EHMT2: variants seen among roughly 807,000 people sequenced by gnomAD.
EHMT2 encodes histone-lysine N-methyltransferase EHMT2.
Under a neutral mutation model 143.3 loss-of-function variants are expected in EHMT2, and 59 were observed. The ratio of observed to expected loss-of-function variants is 0.41; its 90% CI spans 0.33 to 0.51. The LOEUF is 0.51. Among genes scored for constraint, EHMT2 ranks in the 20% least tolerant of loss-of-function variants. EHMT2 has a pLI of 0.18. For synonymous variants in EHMT2, 604 were observed against 651.5 expected, an observed-to-expected ratio of 0.93 and a Z score of 1.11; for missense variants, 1,174 against 1,645.9, an observed-to-expected ratio of 0.71 and a Z score of 4.96.
At chr6:31,885,182 A>G in intron 18 of EHMT2, 166 bp from the exon 19 acceptor site, 1 of 970,862 alleles carries the variant, frequency 1.0e-6, no homozygotes, top group Non-Finnish European at 1.5e-6. Context: ...TCATCTAAAA[A>G]ATGGGACTAG....
chr6:31,886,352 G>A (rs1442137486), intron 18 of EHMT2: 3 of 558,902 alleles, frequency 5.4e-6, no homozygotes, highest in Non-Finnish European at 9.4e-6. Flanking sequence ...AAGCCTCACT[G>A]GACACTTTCA....
At position 31,882,878 on chromosome 6, in the gene EHMT2, T is replaced by G; in HGVS notation, c.3110+16A>C. The stretch of plus-strand genomic sequence containing the variant: ...GGTGAGGTGGGGAGAGGGTGGGCTG[T>G]GGAGCAGGGCCTCACTTGATGCCAC... On this transcript the variant is annotated intron_variant, in intron 24 of 27. Transcript: ENST00000375537. 1 of 1,612,500 alleles carries G rather than the reference T, an allele frequency of 6.2e-7. No homozygotes were observed. The highest frequency in any genetic ancestry group is 8.5e-7 in the Non-Finnish European group (1 of 1,179,554).
intron 4 of EHMT2, chr6:31,895,769 G>C (rs1183728301): frequency 6.4e-6 from 1 of 155,824 alleles, no homozygotes; most frequent in African/African-American, 2.4e-5. Flanking sequence ...TGTTAAGTTT[G>C]CCTCAGTTTT....
chr6:31,886,228 G>A (rs1764828253), intron 18 of EHMT2: 3 of 256,846 alleles, frequency 1.2e-5, no homozygotes, highest in Admixed American at 9.7e-5. Flanking sequence ...CACAGCCACA[G>A]AGGCCTCTTA....
intron 4 of EHMT2, among the ~76,000 whole-genome samples, chr6:31,894,725 G>A (rs751355692): frequency 1.3e-5 from 2 of 152,072 alleles, no homozygotes; most frequent in African/African-American, 4.8e-5. Context: ...GCAGTGGCGC[G>A]ATCTTGGCTC....
At chr6:31,886,924 C>A in intron 16 of EHMT2, 27 bp from the exon 17 acceptor site, 1 of 1,614,002 alleles carries the variant, frequency 6.2e-7, no homozygotes, top group Non-Finnish European at 8.5e-7. Flanking sequence ...GGGCTGGCAC[C>A]AGGGAGGCAT....
chr6:31,882,085 A>C (rs1157881283), intron 25 of EHMT2, among the ~76,000 whole-genome samples: 1 of 151,764 alleles, frequency 6.6e-6, no homozygotes, highest in African/African-American at 2.4e-5. Flanking sequence ...AGCTTGGGCA[A>C]CAAGAGTGAA....
In EHMT2 at chr6:31,884,477, C is replaced by T. The variant is rs982329909; in HGVS notation, c.2686G>A (p.Asp896Asn). 9 of 1,612,934 alleles carry T rather than the reference C, an allele frequency of 5.6e-6. No homozygotes were observed. The highest frequency in any genetic ancestry group is 1.6e-4 in the Middle Eastern group (1 of 6,062). Residue 896 changes from aspartate (D) to asparagine (N), a missense_variant, in exon 21 of 28, where the codon GAC becomes AAC. By Grantham distance (23) the Asp-to-Asn change is conservative. Coordinates refer to ENST00000375537, the Ensembl canonical transcript of EHMT2. The surrounding 1 kb of genome is among the most constrained non-coding windows in gnomAD (Gnocchi z 7.3). ...TTGAGTTGAAGCGCAAACCACACGT[C>T]GGAGCGCTCGGGAGTCAGGTCCCAT... is the stretch of plus-strand genomic sequence containing the variant.
rs1765430795 is a variant in EHMT2, at chr6:31,889,652, G to A, written c.865-50C>T. 4 of 1,601,948 alleles carry A rather than the reference G, an allele frequency of 2.5e-6. No homozygotes were observed. Among genetic ancestry groups the A allele is most frequent in the East Asian group, 4.5e-5 (2 of 44,866 alleles). Reference sequence around the variant, plus strand: ...ATCCAACCCCCAGGACTCAGACAATGAGGTGAGTAAAGAAAACCACCACCA... The same window carrying A: ...ATCCAACCCCCAGGACTCAGACAATAAGGTGAGTAAAGAAAACCACCACCA... On this transcript the variant is annotated intron_variant, in intron 7 of 27. Transcript: ENST00000375537. This position sits in a 1 kb window ranked among gnomAD's most constrained non-coding sequence, Gnocchi z 5.1.
chr6:31,884,728 C>G lies in EHMT2; in HGVS notation c.2520G>C (p.Ala840=). ...AGTTGACAGCATGGAGGTCACAGCG[C>G]GCATTCAGAAGGACTTCGGCGATGG... Residue 840 remains alanine, a synonymous_variant, in exon 20 of 28, where the codon GCG becomes GCC. Coordinates refer to ENST00000375537, the Ensembl canonical transcript of EHMT2. This position sits in a 1 kb window ranked among gnomAD's most constrained non-coding sequence, Gnocchi z 7.3. 1 of 1,599,472 alleles carries G rather than the reference C, an allele frequency of 6.3e-7. No homozygotes were observed.
At chr6:31,891,912 C>T (rs1765740359) in intron 7 of EHMT2, among the ~76,000 whole-genome samples, 1 of 151,884 alleles carries the variant, frequency 6.6e-6, no homozygotes, top group Non-Finnish European at 1.5e-5. Context: ...AGGGTGGTGG[C>T]CACCTTTGTG....
chr6:31,897,309 C>G, intron 1 of EHMT2: 2 of 598,704 alleles, frequency 3.3e-6, no homozygotes, highest in Non-Finnish European at 4.9e-6. Context: ...CCCCAGGCCG[C>G]GGGGACCCCG....
At position 31,889,388 on chromosome 6, in the gene EHMT2, G is replaced by GC. The variant is rs750619678; in HGVS notation, c.1000-47dup. ...GAGTTAGGAACCCTCACCCCCAGGG[G>GC]CCCCCCCAACACCTTCAGGACCAGA... On this transcript the variant is annotated intron_variant, in intron 8 of 27. Transcript: ENST00000375537. This position sits in a 1 kb window ranked among gnomAD's most constrained non-coding sequence, Gnocchi z 5.1. The GC allele has an allele frequency of 6.8e-6, 11 of 1,607,726 alleles. No homozygotes were observed. The highest frequency in any genetic ancestry group is 4.5e-5 in the East Asian group (2 of 44,810).
Position 31,896,765 on chromosome 6 carries a change from C to T in EHMT2, c.169G>A (p.Asp57Asn), listed in dbSNP as rs912280110. The T allele has an allele frequency of 2.5e-6, 4 of 1,612,882 alleles. No individual in the cohort carries two copies. The highest frequency in any genetic ancestry group is 1.7e-5 in the Admixed American group (1 of 59,998). Residue 57 changes from aspartate (D) to asparagine (N), a missense_variant, in exon 3 of 28, where the codon GAC becomes AAC. By Grantham distance (23) the Asp-to-Asn change is conservative. Transcript: ENST00000375537. The stretch of plus-strand genomic sequence containing the variant: ...GAGGGGCCAGCAGGCTCCAGGGAGT[C>T]GGGGGTGGCCTTGGGCAGGGTTTCT...
chr6:31,891,423 C>G (rs1765669932), intron 7 of EHMT2, among the ~76,000 whole-genome samples: 1 of 152,048 alleles, frequency 6.6e-6, no homozygotes, highest in Admixed American at 6.6e-5. Context: ...CAAAAAGAGG[C>G]CTTATATTTA....
chr6:31,890,317 T>C (rs1045671991), intron 7 of EHMT2, among the ~76,000 whole-genome samples: 1 of 152,114 alleles, frequency 6.6e-6, no homozygotes, highest in African/African-American at 2.4e-5. Flanking sequence ...ATTGCAATGG[T>C]GTGATCTCAG....
chr6:31,883,042 T>G lies in EHMT2; in HGVS notation c.2995-33A>C. The G allele has an allele frequency of 6.3e-7, 1 of 1,591,986 alleles. No homozygotes were observed. Among genetic ancestry groups the G allele is most frequent in the Non-Finnish European group, 8.6e-7 (1 of 1,163,458 alleles). ...GCGGAGGGGAGGATAGTGGTTTCTC[T>G]GTGGGGCCCACCTCAGCTGCCCACC... is the stretch of plus-strand genomic sequence containing the variant. On this transcript the variant is annotated intron_variant, in intron 23 of 27. Transcript: ENST00000375537. This position sits in a 1 kb window ranked among gnomAD's most constrained non-coding sequence, Gnocchi z 5.6.
In EHMT2 at chr6:31,881,640, G is replaced by A. The variant is rs1263500430; in HGVS notation, c.3198-548C>T. 1 of 167,370 alleles carries A rather than the reference G, an allele frequency of 6.0e-6. No individual in the cohort carries two copies. The highest frequency in any genetic ancestry group is 1.3e-5 in the Non-Finnish European group (1 of 75,820). 10.4% of individuals were successfully genotyped at this position (167,370 alleles called of 1,614,324 possible). A position where few individuals can be genotyped will look rare whatever the true frequency, so the allele number is the denominator to read the frequency against. On this transcript the variant is annotated intron_variant, in intron 25 of 27. Coordinates refer to ENST00000375537, the Ensembl canonical transcript of EHMT2. This position sits in a 1 kb window ranked among gnomAD's most constrained non-coding sequence, Gnocchi z 4.8. Reference sequence around the variant, plus strand: ...TGTCAAGAGACAGCTTCAGCAGAGTGGGAAGGGCAAAGGCCGATTTTGGCA... The same window carrying A: ...TGTCAAGAGACAGCTTCAGCAGAGTAGGAAGGGCAAAGGCCGATTTTGGCA...
chr6:31,880,566 C>G lies in EHMT2; in HGVS notation c.3452+107G>C. 8.2e-7 allele frequency: 1 copy of G among 1,223,650 alleles called. No individual in the cohort carries two copies. The highest frequency in any genetic ancestry group is 2.4e-5 in the East Asian group (1 of 42,132). The allele number at this position is 1,223,650 out of a possible 1,614,324, so 75.8% of individuals were successfully genotyped here. ...TATGTACACTGAAATCTGAGAAGCT[C>G]TGCACTACTCCATGCCTGGACACCA... On this transcript the variant is annotated intron_variant, in intron 27 of 27. Coordinates refer to ENST00000375537, the Ensembl canonical transcript of EHMT2. The surrounding 1 kb of genome is among the most constrained non-coding windows in gnomAD (Gnocchi z 6.6).
Sources: allele counts gnomAD v4.1 joint callset (sites outside exome capture counted in the v4.1 genomes callset), GRCh38; gene constraint gnomAD v4.1.1; non-coding constraint Gnocchi (gnomAD v3.1); transcripts MANE v1.5; gene names NCBI Gene and HGNC (gene_info 2026-07-23, HGNC 2026-07-21).